Variants in POM121C observed in about 807,000 individuals in gnomAD.
The protein encoded by POM121C is nuclear envelope pore membrane protein POM 121C.
Under a neutral mutation model 66.4 loss-of-function variants are expected in POM121C, and 20 were observed. The ratio of observed to expected loss-of-function variants is 0.30; its 90% CI spans 0.21 to 0.44. POM121C has a LOEUF of 0.44. POM121C is among the 20% of genes least tolerant of loss of function. The pLI is 1.00. For missense variants in POM121C, 580 were observed against 1,225.7 expected (o/e 0.47, Z 7.87); for synonymous variants, 286 against 528.0 (o/e 0.54, Z 6.28).
intron 3 of POM121C, among the ~76,000 whole-genome samples, chr7:75,443,249 T>C (rs1235275038): frequency 2.6e-5 from 4 of 152,170 alleles, no homozygotes; most frequent in African/African-American, 7.2e-5. Flanking sequence ...GCTAAAGTTA[T>C]CGGTCTGAGA....
In POM121C at chr7:75,421,905, C is replaced by A. The variant is rs367963614; in HGVS notation, c.2347G>T (p.Ala783Ser). Reference protein sequence around the residue: ...SAFGLKATASAFGAPASSQPA... With the variant: ...SAFGLKATASSFGAPASSQPA... ...TGTGAGCTGGCGGGAGCGCCGAAGG[C>A]GGAAGCCGTGGCTTTCAATCCAAAC... Residue 783 changes from alanine to serine, a missense_variant, in exon 13 of 15, where the codon GCC becomes TCC. Physicochemically the swap from Ala to Ser is moderately conservative, Grantham distance 99. Transcript: ENST00000615331. 1 of 1,612,790 alleles carries A rather than the reference C, an allele frequency of 6.2e-7. No individual in the cohort carries two copies. Among genetic ancestry groups the A allele is most frequent in the South Asian group, 1.1e-5 (1 of 91,056 alleles).
chr7:75,454,298 T>G, intron 3 of POM121C, among the ~76,000 whole-genome samples: 1 of 152,120 alleles, frequency 6.6e-6, no homozygotes, highest in Non-Finnish European at 1.5e-5. Context: ...TGGGACGAAG[T>G]GAGATCTTCG....
intron 9 of POM121C, chr7:75,425,422 G>A (rs1474041512): frequency 3.3e-6 from 4 of 1,229,630 alleles, no homozygotes; most frequent in Non-Finnish European, 4.5e-6. Flanking sequence ...CTCAAACTGA[G>A]CTTACCTCTA....
chr7:75,433,234 C>CAAAAAA (rs782004307), intron 7 of POM121C, among the ~76,000 whole-genome samples: 9 of 44,248 alleles, frequency 2.0e-4, no homozygotes, highest in African/African-American at 6.0e-4. Context: ...GACTCTGTCT[C>CAAAAAA]AAAAAAAAAA....
intron 1 of POM121C, among the ~76,000 whole-genome samples, chr7:75,478,257 A>G (rs1792168125): frequency 6.6e-6 from 1 of 152,146 alleles, no homozygotes; most frequent in Admixed American, 6.6e-5. Context: ...ATGAGCCACC[A>G]CGCCTGGGCT....
intron 3 of POM121C, among the ~76,000 whole-genome samples, chr7:75,473,790 G>A (rs1400814050): frequency 6.6e-6 from 1 of 151,268 alleles, no homozygotes; most frequent in Admixed American, 6.6e-5. Context: ...CCGTGTTCAC[G>A]CCATTCTCCT....
chr7:75,472,412 C>G (rs1251125584), intron 3 of POM121C, among the ~76,000 whole-genome samples: 1 of 151,946 alleles, frequency 6.6e-6, no homozygotes, highest in Non-Finnish European at 1.5e-5. Context: ...ACTCGGGAGG[C>G]TGAGGCACAA....
Position 75,422,774 on chromosome 7 carries a change from G to A in POM121C, c.1478C>T (p.Ser493Phe). 1 of 1,055,166 alleles carries A rather than the reference G, an allele frequency of 9.5e-7. No individual in the cohort carries two copies. The highest frequency in any genetic ancestry group is 1.4e-5 in the African/African-American group (1 of 69,126). 65.4% of individuals were successfully genotyped at this position (1,055,166 alleles called of 1,614,324 possible). The change falls in exon 13 of 15, where the codon TCC (serine) becomes TTC (phenylalanine). Residue 493 changes from serine (S) to phenylalanine (F), a missense_variant. Physicochemically the swap from Ser to Phe is radical, Grantham distance 155. Transcript: ENST00000615331. ...PSVSATAPSSSSLPTTTSTTA... is the reference protein window; with the variant it reads ...PSVSATAPSSFSLPTTTSTTA... ...GGTGCTGGTGGTCGTGGGGAGGGAG[G>A]AGCTGGAGGGCGCTGTGGCTGAGAC... is the stretch of plus-strand genomic sequence containing the variant.
intron 3 of POM121C, among the ~76,000 whole-genome samples, chr7:75,458,492 C>T (rs1791326903): frequency 6.6e-6 from 1 of 151,564 alleles, no homozygotes; most frequent in African/African-American, 2.4e-5. Context: ...TGGGCCATTG[C>T]ACTCCAGCCA....
intron 1 of POM121C, among the ~76,000 whole-genome samples, chr7:75,479,594 G>T (rs765794634): frequency 2.1e-5 from 3 of 141,076 alleles, no homozygotes; most frequent in Admixed American, 7.0e-5. Context: ...CCAGCCTGGG[G>T]GACAGAGTGA....
intron 1 of POM121C, among the ~76,000 whole-genome samples, chr7:75,483,552 G>A (rs1792394390): frequency 6.6e-6 from 1 of 152,152 alleles, no homozygotes; most frequent in Admixed American, 6.5e-5. Context: ...GCAGACGTGA[G>A]CCAATTAAAC....
intron 1 of POM121C, among the ~76,000 whole-genome samples, chr7:75,475,621 C>A (rs587652580): frequency 1.1e-3 from 168 of 151,658 alleles, no homozygotes; most frequent in Non-Finnish European, 1.7e-3. Flanking sequence ...TTCTTCCTAA[C>A]TCACTGCTCT....
intron 7 of POM121C, among the ~76,000 whole-genome samples, chr7:75,427,558 G>A (rs1294491830): frequency 2.0e-5 from 3 of 150,626 alleles, no homozygotes; most frequent in Non-Finnish European, 4.4e-5. Context: ...CTTCCACCAG[G>A]TGAGTTCTTG....
intron 3 of POM121C, among the ~76,000 whole-genome samples, chr7:75,473,402 TC>T (rs1791944876): frequency 6.6e-6 from 1 of 151,758 alleles, no homozygotes; most frequent in Admixed American, 6.6e-5. Context: ...AATTCACACT[TC>T]CTGAATGTCT....
rs374096282 is a variant in POM121C, at chr7:75,421,896, C to T, written c.2356G>A (p.Ala786Thr). The change falls in exon 13 of 15, where the codon GCT becomes ACT. Residue 786 changes from alanine to threonine, a missense_variant. By Grantham distance (58) the Ala-to-Thr change is moderately conservative. Coordinates refer to ENST00000615331, the MANE Select transcript of POM121C (RefSeq NM_001099415.3). The stretch of plus-strand genomic sequence containing the variant: ...AAGGCGGGCTGTGAGCTGGCGGGAG[C>T]GCCGAAGGCGGAAGCCGTGGCTTTC... ...GLKATASAFG[A>T]PASSQPAFGG... 26 of 1,612,396 alleles carry T rather than the reference C, an allele frequency of 1.6e-5. No individual in the cohort carries two copies. The highest frequency in any genetic ancestry group is 6.7e-5 in the Admixed American group (4 of 60,006).
chr7:75,480,650 A>C (rs1792271245), intron 1 of POM121C, among the ~76,000 whole-genome samples: 1 of 152,234 alleles, frequency 6.6e-6, no homozygotes, highest in African/African-American at 2.4e-5. Flanking sequence ...TCTAATCATG[A>C]AGAAAGATCA....
intron 1 of POM121C, among the ~76,000 whole-genome samples, chr7:75,483,217 A>C (rs1792377256): frequency 6.6e-6 from 1 of 152,230 alleles, no homozygotes; most frequent in Admixed American, 6.5e-5. Context: ...ATAAGCCATA[A>C]GTTACAGTAA....
intron 3 of POM121C, among the ~76,000 whole-genome samples, chr7:75,460,663 C>G (rs1425783078): frequency 6.6e-6 from 1 of 152,070 alleles, no homozygotes; most frequent in Non-Finnish European, 1.5e-5. Context: ...CAGAGACATA[C>G]TTAAACAATG....
chr7:75,459,650 T>C (rs1340222595), intron 3 of POM121C, among the ~76,000 whole-genome samples: 50 of 146,882 alleles, frequency 3.4e-4, no homozygotes, highest in Non-Finnish European at 6.9e-4. Flanking sequence ...CCAGAGAGAT[T>C]TTTTTTCAGA....
Sources: gnomAD v4.1 joint callset for allele counts (sites outside exome capture counted in the v4.1 genomes callset) on GRCh38, gnomAD v4.1.1 for gene constraint, MANE v1.5 for transcripts, NCBI Gene and HGNC (gene_info 2026-07-23, HGNC 2026-07-21) for gene names.